The following RHBDL3 variants were observed in gnomAD, a reference collection of about 807,000 sequenced individuals.
The protein encoded by RHBDL3 is rhomboid-related protein 3.
In RHBDL3, 28 loss-of-function variants were observed where a neutral mutation model predicts 48.2. The observed-to-expected ratio is 0.58, with a 90% CI of 0.43 to 0.80. The LOEUF is 0.80. Among genes scored for constraint, RHBDL3 ranks in the 30% least tolerant of loss-of-function variants. RHBDL3 has a pLI of 0.00. For synonymous variants in RHBDL3, 208 were observed against 232.3 expected, an observed-to-expected ratio of 0.90 and a Z score of 0.95; for missense variants, 464 against 542.7, an observed-to-expected ratio of 0.85 and a Z score of 1.44.
In RHBDL3 at chr17:32,266,271, G is replaced by T; in HGVS notation, c.82G>T (p.Glu28Ter). 2.0e-6 allele frequency: 3 copies of T among 1,468,262 alleles called. 1 individual carries two copies. Among genetic ancestry groups the T allele is most frequent in the East Asian group, 3.0e-5 (1 of 33,092 alleles). 91.0% of individuals were successfully genotyped at this position (1,468,262 alleles called of 1,614,324 possible). Reference sequence around the variant, plus strand: ...CATCGAGGAGCTGGAACCCGAGGCCGAGGAGCGGCTGCCCGCGGCGCCGGA... The same window carrying T: ...CATCGAGGAGCTGGAACCCGAGGCCTAGGAGCGGCTGCCCGCGGCGCCGGA... Reference protein sequence around the residue: ...ERIEELEPEAEERLPAAPEDH... With the variant: ...ERIEELEPEA The change falls in exon 1 of 9, where the codon GAG (glutamate) becomes TAG (stop). Residue 28 changes from glutamate to a stop codon, truncating the protein, a stop_gained. Coordinates refer to ENST00000269051, the MANE Select transcript of RHBDL3 (RefSeq NM_138328.3). LOFTEE classifies it high-confidence loss of function.
intron 7 of RHBDL3, among the ~76,000 whole-genome samples, chr17:32,310,872 A>C: frequency 7.2e-6 from 1 of 139,072 alleles, no homozygotes; most frequent in Non-Finnish European, 1.5e-5. Flanking sequence ...CGACAGAGTC[A>C]GGCTCCATCT....
chr17:32,310,144 T>A (rs1297762522), intron 7 of RHBDL3, among the ~76,000 whole-genome samples: 1 of 152,234 alleles, frequency 6.6e-6, no homozygotes, highest in Non-Finnish European at 1.5e-5. Flanking sequence ...TTTTTTAATC[T>A]ACAAGATATT....
At chr17:32,304,934 A>G (rs1233056470) in intron 6 of RHBDL3, among the ~76,000 whole-genome samples, 1 of 152,144 alleles carries the variant, frequency 6.6e-6, no homozygotes, top group African/African-American at 2.4e-5. Context: ...CCTGGGCAAC[A>G]TAGTAAGACT....
chr17:32,298,157 A>G lies in RHBDL3; in HGVS notation c.734A>G (p.His245Arg). Residue 245 changes from histidine (H) to arginine (R), a missense_variant, in exon 6 of 9, where the codon CAT (histidine) becomes CGT (arginine). His to Arg is a conservative substitution (Grantham distance 29). Transcript: ENST00000269051. ...GTGGGGGTGCCCCTGGAGATGGTGC[A>G]TGGAGCCACCCGAATTGGGCTTGTC... ...LLVGVPLEMV[H>R]GATRIGLVYV... 6.2e-7 allele frequency: 1 copy of G among 1,614,102 alleles called. No homozygotes were observed. Among genetic ancestry groups the G allele is most frequent in the Non-Finnish European group, 8.5e-7 (1 of 1,179,956 alleles).
At chr17:32,306,558 G>C (rs914838246) in intron 7 of RHBDL3, among the ~76,000 whole-genome samples, 1 of 152,194 alleles carries the variant, frequency 6.6e-6, no homozygotes. Flanking sequence ...AGTCAGCCTA[G>C]GTCTAAATCC....
At chr17:32,298,497 C>T (rs1314934977) in intron 6 of RHBDL3, among the ~76,000 whole-genome samples, 1 of 152,218 alleles carries the variant, frequency 6.6e-6, no homozygotes, top group Non-Finnish European at 1.5e-5. Flanking sequence ...GCTCTCTGAG[C>T]TTGGGGAAAT....
intron 8 of RHBDL3, among the ~76,000 whole-genome samples, chr17:32,316,912 C>G (rs970764284): frequency 6.6e-6 from 1 of 151,658 alleles, no homozygotes; most frequent in African/African-American, 2.4e-5. Context: ...CCCCCTGTCA[C>G]CCAGGCTAGA....
At chr17:32,267,988 T>G in intron 2 of RHBDL3, 63 bp downstream of exon 2, 1 of 1,316,220 alleles carries the variant, frequency 7.6e-7, no homozygotes, top group South Asian at 1.2e-5. Context: ...TCAGTCTCCC[T>G]GCTTGCGTGG....
At chr17:32,313,844 C>T (rs2040906089) in intron 7 of RHBDL3, among the ~76,000 whole-genome samples, 2 of 146,574 alleles carry the variant, frequency 1.4e-5, no homozygotes, top group South Asian at 2.2e-4. Context: ...GCAAGCTCTG[C>T]CTCCCGAGTT....
rs149782103 is a variant in RHBDL3 at position 32,299,594 on chromosome 17, T to A, written c.781+1390T>A. Among the ~76,000 whole-genome samples the A allele has an allele frequency of 2.6e-5, 4 of 152,272 alleles. No individual in the cohort carries two copies. The East Asian group carries it at 7.7e-4, about 29-fold the overall frequency. On this transcript the variant is annotated intron_variant, in intron 6 of 8. Transcript: ENST00000269051. ...AGGAACAGGGAAGACATTAATAACA[T>A]TTGCAGTTAGTATTCAATTAGATGG...
At chr17:32,305,700 A>G (rs1157603338) in intron 7 of RHBDL3, among the ~76,000 whole-genome samples, 1 of 152,118 alleles carries the variant, frequency 6.6e-6, no homozygotes, top group Non-Finnish European at 1.5e-5. Flanking sequence ...CACCAACGTT[A>G]AAGAGTTAAC....
intron 3 of RHBDL3, among the ~76,000 whole-genome samples, chr17:32,286,600 G>T (rs1199996894): frequency 6.6e-6 from 1 of 152,186 alleles, no homozygotes; most frequent in East Asian, 1.9e-4. Flanking sequence ...GAATATTTTT[G>T]ATGTCTCTTA....
chr17:32,319,617 C>T (rs866510740), intron 8 of RHBDL3, among the ~76,000 whole-genome samples: 6 of 152,094 alleles, frequency 3.9e-5, no homozygotes, highest in Admixed American at 3.3e-4. Context: ...GCCTTTTCTG[C>T]CATCTATCGG....
At chr17:32,275,513 C>A (rs965134667) in intron 2 of RHBDL3, among the ~76,000 whole-genome samples, 3 of 152,084 alleles carry the variant, frequency 2.0e-5, no homozygotes, top group Non-Finnish European at 4.4e-5. Flanking sequence ...CCCGTGCTGC[C>A]CACCCCACCC....
At chr17:32,283,608 C>G (rs559335861) in intron 2 of RHBDL3, among the ~76,000 whole-genome samples, 2 of 151,984 alleles carry the variant, frequency 1.3e-5, no homozygotes, top group Admixed American at 6.5e-5. Context: ...CAGGCTTGAG[C>G]CACTGCGCCT....
intron 8 of RHBDL3, among the ~76,000 whole-genome samples, chr17:32,319,421 CA>C (rs541383037): frequency 0.021 from 1,711 of 79,780 alleles, 16 homozygotes; most frequent in East Asian, 0.073. Flanking sequence ...GATTCCGTCT[CA>C]AAAAAAAAAA....
chr17:32,299,553 C>G (rs2040535764), intron 6 of RHBDL3, among the ~76,000 whole-genome samples: 1 of 152,152 alleles, frequency 6.6e-6, no homozygotes, highest in South Asian at 2.1e-4. Context: ...CCCAGAGACC[C>G]AGATGTTAAA....
chr17:32,311,341 G>A (rs1399854339), intron 7 of RHBDL3, among the ~76,000 whole-genome samples: 1 of 152,176 alleles, frequency 6.6e-6, no homozygotes, highest in Non-Finnish European at 1.5e-5. Flanking sequence ...GGGAATATTG[G>A]ATTAGGGAAG....
At chr17:32,272,556 C>T (rs2039796445) in intron 2 of RHBDL3, among the ~76,000 whole-genome samples, 1 of 152,218 alleles carries the variant, frequency 6.6e-6, no homozygotes, top group African/African-American at 2.4e-5. Context: ...CCCTTGGGCT[C>T]TGCACCCCCA....
Sources: allele counts gnomAD v4.1 joint callset (sites outside exome capture counted in the v4.1 genomes callset), GRCh38; gene constraint gnomAD v4.1.1; transcripts MANE v1.5; gene names NCBI Gene and HGNC (gene_info 2026-07-23, HGNC 2026-07-21).